The following CACNA2D2 variants were observed in gnomAD, a reference collection of about 807,000 sequenced individuals.
CACNA2D2 encodes the protein calcium voltage-gated channel auxiliary subunit alpha2delta 2.
CACNA2D2 carries 48 observed loss-of-function variants against 166.4 expected under a neutral mutation model. The ratio of observed to expected loss-of-function variants is 0.29; its 90% CI spans 0.23 to 0.37. The LOEUF (loss-of-function observed/expected upper bound fraction) is 0.37. Ranked by LOEUF, CACNA2D2 falls within the 10% of genes least tolerant of loss-of-function variation. The pLI is 1.00. For missense variants in CACNA2D2, 1,122 were observed against 1,433.0 expected (o/e 0.78, Z 3.50); for synonymous variants, 561 against 573.7 (o/e 0.98, Z 0.32).
rs544113726 is a variant in CACNA2D2 at position 50,497,573 on chromosome 3, G to C, written c.206+5645C>G. ...TGAGAGGAGCGGGACCAGGACCGGG[G>C]ACACCAAGCCAACAGCCTGAGTCTC... On this transcript the variant is annotated intron_variant, in intron 1 of 37. Coordinates refer to ENST00000424201, the MANE Select transcript of CACNA2D2 (RefSeq NM_006030.4). 3.9e-5 allele frequency among the ~76,000 whole-genome samples: 6 copies of C among 152,332 alleles called. No individual in the cohort carries two copies. The South Asian group carries it at 1.2e-3, about 32-fold the overall frequency.
Position 50,365,001 on chromosome 3 carries a change from ACGG to A in CACNA2D2, c.3209-34_3209-32del. 3 of 1,605,958 alleles carry A rather than the reference ACGG, an allele frequency of 1.9e-6. No individual in the cohort carries two copies. Among genetic ancestry groups the A allele is most frequent in the East Asian group, 4.5e-5 (2 of 44,480 alleles). Reference sequence around the variant, plus strand: ...CATGGGTGGGGAGTCAAGGAGGCGGACGGCGGCGGCGGCACGGAGGGGGCGCGC... The same window carrying A: ...CATGGGTGGGGAGTCAAGGAGGCGGACGGCGGCGGCACGGAGGGGGCGCGC... On this transcript the variant is annotated intron_variant, in intron 36 of 37. Coordinates refer to ENST00000424201, the MANE Select transcript of CACNA2D2 (RefSeq NM_006030.4). This position sits in a 1 kb window ranked among gnomAD's most constrained non-coding sequence, Gnocchi z 4.5.
intron 13 of CACNA2D2, among the ~76,000 whole-genome samples, chr3:50,378,708 G>A (rs975095344): frequency 1.3e-5 from 2 of 152,216 alleles, no homozygotes; most frequent in African/African-American, 2.4e-5. Flanking sequence ...GTTGGACAAT[G>A]GACAGACAGA....
intron 2 of CACNA2D2, among the ~76,000 whole-genome samples, chr3:50,449,860 C>A (rs995460684): frequency 1.3e-5 from 2 of 152,166 alleles, no homozygotes; most frequent in African/African-American, 4.8e-5. Context: ...GGGAGAGAGA[C>A]CTAGGGCTGG....
At chr3:50,381,471 A>G (rs1405589451) in intron 6 of CACNA2D2, among the ~76,000 whole-genome samples, 2 of 152,076 alleles carry the variant, frequency 1.3e-5, no homozygotes, top group Non-Finnish European at 2.9e-5. Context: ...TGCTGCCTGG[A>G]GCTAGCACTG....
In CACNA2D2 at chr3:50,367,982, C is replaced by T. The variant is rs1704441020; in HGVS notation, c.2144-80G>A. The T allele has an allele frequency of 4.2e-6, 5 of 1,200,390 alleles. No homozygotes were observed. The South Asian group carries it at 6.2e-5, about 15-fold the overall frequency. 74.4% of individuals were successfully genotyped at this position (1,200,390 alleles called of 1,614,324 possible). A position where few individuals can be genotyped will look rare whatever the true frequency, so the allele number is the denominator to read the frequency against. On this transcript the variant is annotated intron_variant, in intron 24 of 37. Transcript: ENST00000424201. This position sits in a 1 kb window ranked among gnomAD's most constrained non-coding sequence, Gnocchi z 6.5. ...CACCCTCACCCCCACCCTTAAGGCTCCACCAGGAGCCTCCTCCATGACCTG... is the reference window on the plus strand; with the variant it reads ...CACCCTCACCCCCACCCTTAAGGCTTCACCAGGAGCCTCCTCCATGACCTG...
Position 50,465,202 on chromosome 3 carries a change from G to A in CACNA2D2, c.288+10916C>T, listed in dbSNP as rs187782965. ...ACATTTGAACACAAAGGCAGCGATG[G>A]AAGGGGTAGATAGAATACGTACAAA... On this transcript the variant is annotated intron_variant, in intron 2 of 37. Coordinates refer to ENST00000424201, the MANE Select transcript of CACNA2D2 (RefSeq NM_006030.4). Among the ~76,000 whole-genome samples the A allele has an allele frequency of 1.0e-3, 155 of 152,384 alleles. 1 individual carries two copies. The highest frequency in any genetic ancestry group is 1.7e-3 in the Non-Finnish European group (119 of 68,044).
At chr3:50,416,736 T>C (rs1267703233) in intron 3 of CACNA2D2, among the ~76,000 whole-genome samples, 1 of 151,852 alleles carries the variant, frequency 6.6e-6, no homozygotes, top group Non-Finnish European at 1.5e-5. Context: ...TCTTTTCCTT[T>C]CTGAGCCTGT....
At chr3:50,418,743 G>A (rs999723638) in intron 3 of CACNA2D2, among the ~76,000 whole-genome samples, 1 of 152,258 alleles carries the variant, frequency 6.6e-6, no homozygotes, top group African/African-American at 2.4e-5. Context: ...GGTGGAGAGG[G>A]AGAATGAGGT....
Position 50,476,096 on chromosome 3 carries a change from C to T in CACNA2D2, c.288+22G>A, listed in dbSNP as rs1208117196. ...CCTTGGAAGAGGGTCCCTGAAGAGA[C>T]AGCAAGTGGCACCGGGCTCACCTCA... On this transcript the variant is annotated intron_variant, in intron 2 of 37. Coordinates refer to ENST00000424201, the MANE Select transcript of CACNA2D2 (RefSeq NM_006030.4). 8 of 1,572,776 alleles carry T rather than the reference C, an allele frequency of 5.1e-6. No individual in the cohort carries two copies. The Admixed American group carries it at 5.3e-5, about 10-fold the overall frequency.
At chr3:50,500,397 T>TG (rs935438277) in intron 1 of CACNA2D2, among the ~76,000 whole-genome samples, 3 of 151,730 alleles carry the variant, frequency 2.0e-5, no homozygotes, top group African/African-American at 7.3e-5. Context: ...CAGAGAAACC[T>TG]GGGGGCACTG....
In CACNA2D2 at chr3:50,377,457, G is replaced by A. The variant is rs780869598; in HGVS notation, c.1626+10C>T. On this transcript the variant is annotated intron_variant, in intron 17 of 37. Transcript: ENST00000424201. Reference sequence around the variant, plus strand: ...AGGCAGGGTACGCGGATGGGCAGGGGGATGCTCACCGTGTAGTTGGGGGTC... The same window carrying A: ...AGGCAGGGTACGCGGATGGGCAGGGAGATGCTCACCGTGTAGTTGGGGGTC... 3.7e-6 allele frequency: 6 copies of A among 1,609,628 alleles called. No homozygotes were observed. Among genetic ancestry groups the A allele is most frequent in the Admixed American group, 1.7e-5 (1 of 59,980 alleles).
rs376692155 is a variant in CACNA2D2, at chr3:50,376,084, C to T, written c.1701+30G>A. The T allele has an allele frequency of 1.2e-6, 2 of 1,613,210 alleles. No individual in the cohort carries two copies. The highest frequency in any genetic ancestry group is 8.5e-7 in the Non-Finnish European group (1 of 1,179,998). ...AGAAGTCCCCATTGTGGAAGGTTTG[C>T]CCACCCTCCAGGCCACCCGTCTGGC... On this transcript the variant is annotated intron_variant, in intron 18 of 37. Transcript: ENST00000424201. The surrounding 1 kb of genome is among the most constrained non-coding windows in gnomAD (Gnocchi z 4.3).
In CACNA2D2 at chr3:50,365,718, G is replaced by A. The variant is rs1559872438; in HGVS notation, c.2916-30C>T. 6.3e-7 allele frequency: 1 copy of A among 1,597,990 alleles called. No homozygotes were observed. The highest frequency in any genetic ancestry group is 8.5e-7 in the Non-Finnish European group (1 of 1,172,642). Reference sequence around the variant, plus strand: ...AGCGCACGGGGAGCCGAGTGCAGGTGGTCAGCAGAGGACGATGCCATGCCC... The same window carrying A: ...AGCGCACGGGGAGCCGAGTGCAGGTAGTCAGCAGAGGACGATGCCATGCCC... On this transcript the variant is annotated intron_variant, in intron 33 of 37. Transcript: ENST00000424201. The surrounding 1 kb of genome is among the most constrained non-coding windows in gnomAD (Gnocchi z 4.5).
chr3:50,396,248 G>T (rs535748284), intron 3 of CACNA2D2, among the ~76,000 whole-genome samples: 30 of 152,038 alleles, frequency 2.0e-4, no homozygotes, highest in African/African-American at 6.8e-4. Flanking sequence ...TTCCACCCCA[G>T]CATCCCTCAC....
rs1704100205 is a variant in CACNA2D2 at position 50,364,496 on chromosome 3, G to A, written c.*170C>T. 5 of 781,118 alleles carry A rather than the reference G, an allele frequency of 6.4e-6. No individual in the cohort carries two copies. In the South Asian group the frequency reaches 7.8e-5, roughly 12 times the overall value. The allele number at this position is 781,118 out of a possible 1,614,324, so 48.4% of individuals were successfully genotyped here. A position where few individuals can be genotyped will look rare whatever the true frequency, so the allele number is the denominator to read the frequency against. ...GGGTGCCAAACACCTGCGGCGTCCC[G>A]CTTTGGGACTCCCCATCCCAAGGCG... is the stretch of plus-strand genomic sequence containing the variant. On this transcript the variant is annotated 3_prime_UTR_variant, in exon 38 of 38. Coordinates refer to ENST00000424201, the MANE Select transcript of CACNA2D2 (RefSeq NM_006030.4).
intron 17 of CACNA2D2, 28 bp downstream of exon 17, chr3:50,377,439 G>A (rs765228327): frequency 6.3e-6 from 10 of 1,585,820 alleles, no homozygotes; most frequent in Non-Finnish European, 1.7e-6. Context: ...GGGAGGCAGG[G>A]TACGCGGATG....
intron 2 of CACNA2D2, among the ~76,000 whole-genome samples, chr3:50,441,648 G>A (rs1462908034): frequency 6.6e-6 from 1 of 152,270 alleles, no homozygotes; most frequent in Non-Finnish European, 1.5e-5. Context: ...ATTCCTGGGT[G>A]TAGCCCTTTG....
At chr3:50,429,909 C>T (rs1200188781) in intron 3 of CACNA2D2, among the ~76,000 whole-genome samples, 1 of 151,956 alleles carries the variant, frequency 6.6e-6, no homozygotes, top group African/African-American at 2.4e-5. Context: ...AAGCTGGGTG[C>T]CATAATTTTA....
Position 50,375,531 on chromosome 3 carries a change from G to A in CACNA2D2, c.1907+113C>T. Reference sequence around the variant, plus strand: ...TCAGGGTGAGTAGTGAGCAGCCCTGGCCACTGGTGCCCCACTGGGATGGTG... The same window carrying A: ...TCAGGGTGAGTAGTGAGCAGCCCTGACCACTGGTGCCCCACTGGGATGGTG... On this transcript the variant is annotated intron_variant, in intron 21 of 37. Transcript: ENST00000424201. This position sits in a 1 kb window ranked among gnomAD's most constrained non-coding sequence, Gnocchi z 4.0. 9.0e-7 allele frequency: 1 copy of A among 1,113,290 alleles called. No homozygotes were observed. Among genetic ancestry groups the A allele is most frequent in the South Asian group, 1.4e-5 (1 of 73,756 alleles). 69.0% of individuals were successfully genotyped at this position (1,113,290 alleles called of 1,614,324 possible).
Sources: gnomAD v4.1 joint callset for allele counts (sites outside exome capture counted in the v4.1 genomes callset) on GRCh38, gnomAD v4.1.1 for gene constraint, Gnocchi (gnomAD v3.1) non-coding constraint, MANE v1.5 for transcripts, NCBI Gene and HGNC (gene_info 2026-07-23, HGNC 2026-07-21) for gene names.